Variants in KANK1 observed in about 807,000 individuals in gnomAD.
The protein encoded by KANK1 is KN motif and ankyrin repeat domains 1.
KANK1 carries 109 observed loss-of-function variants against 106.2 expected under a neutral mutation model. The ratio of observed to expected loss-of-function variants is 1.03; its 90% CI spans 0.88 to 1.20. The LOEUF (loss-of-function observed/expected upper bound fraction) is 1.20, where lower values mean the gene tolerates loss of function less well. Ranked by LOEUF, KANK1 falls within the 50% of genes most tolerant of loss-of-function variation. The pLI is 0.00. For synonymous variants in KANK1, 873 were observed against 652.2 expected (o/e 1.34, Z -5.16); for missense variants, 2,399 against 1,710.7 (o/e 1.40, Z -7.10).
chr9:499,019 T>G (rs2058503804), intron 3 of KANK1, among the ~76,000 whole-genome samples: 1 of 150,566 alleles, frequency 6.6e-6, no homozygotes, highest in African/African-American at 2.4e-5. Flanking sequence ...CTACTAAAAA[T>G]AAAAAAAAAT....
intron 1 of KANK1, among the ~76,000 whole-genome samples, chr9:535,806 C>T (rs1382649227): frequency 6.6e-6 from 1 of 152,194 alleles, no homozygotes; most frequent in African/African-American, 2.4e-5. Context: ...TCGTCACAAG[C>T]AGTCTTCTGG....
chr9:595,820 C>T (rs1271265964), intron 1 of KANK1, among the ~76,000 whole-genome samples: 2 of 152,002 alleles, frequency 1.3e-5, no homozygotes, highest in East Asian at 3.9e-4. Context: ...CTGTGCCCAG[C>T]CTCATGAGAA....
intron 1 of KANK1, among the ~76,000 whole-genome samples, chr9:601,312 C>T (rs75653922): frequency 6.6e-6 from 1 of 151,678 alleles, no homozygotes; most frequent in Non-Finnish European, 1.5e-5. Flanking sequence ...GCATTCTATC[C>T]AGTTTTCCGC....
At position 610,210 on chromosome 9, in the gene KANK1, TG is replaced by T. The variant is rs2136118743; in HGVS notation, c.-83-66678del. 2.0e-5 allele frequency among the ~76,000 whole-genome samples: 3 copies of T among 152,156 alleles called. No individual in the cohort carries two copies. The South Asian group carries it at 6.2e-4, about 32-fold the overall frequency. The stretch of plus-strand genomic sequence containing the variant: ...TTAAAGGTATGAATACATTTTAATT[TG>T]GTTGAACACTTACGTTTATCAAAAA... On this transcript the variant is annotated intron_variant, in intron 1 of 11. Coordinates refer to ENST00000382297, the MANE Select transcript of KANK1 (RefSeq NM_015158.5).
intron 8 of KANK1, among the ~76,000 whole-genome samples, chr9:740,097 C>A (rs1835000895): frequency 6.6e-6 from 1 of 152,142 alleles, no homozygotes; most frequent in Non-Finnish European, 1.5e-5. Flanking sequence ...CTAACACTCA[C>A]CATTCCGGTC....
At chr9:497,109 C>G (rs145002508) in intron 3 of KANK1, among the ~76,000 whole-genome samples, 2,105 of 152,192 alleles carry the variant, frequency 0.014, 27 homozygotes, top group South Asian at 0.035. Flanking sequence ...CCAATGTGTC[C>G]TTTCCTTTCC....
At chr9:592,077 G>A (rs10975307) in intron 1 of KANK1, among the ~76,000 whole-genome samples, 31,802 of 151,664 alleles carry the variant, frequency 0.21, 3,749 homozygotes, top group East Asian at 0.33. Context: ...CTTAACATGT[G>A]GTATTTGTAG....
At chr9:652,824 T>G (rs935042219) in intron 1 of KANK1, among the ~76,000 whole-genome samples, 14 of 152,206 alleles carry the variant, frequency 9.2e-5, no homozygotes, top group African/African-American at 3.1e-4. Flanking sequence ...TGCATTTCTT[T>G]ATTGTTGAAT....
chr9:718,793 G>A (rs1226986204), intron 3 of KANK1, among the ~76,000 whole-genome samples: 7 of 152,098 alleles, frequency 4.6e-5, no homozygotes, highest in Admixed American at 2.0e-4. Flanking sequence ...AGAGGAGAGC[G>A]TAGAAACAAC....
intron 1 of KANK1, among the ~76,000 whole-genome samples, chr9:627,057 A>C (rs537857458): frequency 6.6e-6 from 1 of 151,930 alleles, no homozygotes. Context: ...CCAAGGGGGA[A>C]AAAAAGGTGG....
chr9:645,348 G>A (rs1221687634), intron 1 of KANK1, among the ~76,000 whole-genome samples: 1 of 146,560 alleles, frequency 6.8e-6, no homozygotes. Context: ...TCTGAGGCAG[G>A]AGAATTGCTT....
intron 1 of KANK1, among the ~76,000 whole-genome samples, chr9:647,158 T>C (rs1839854702): frequency 6.6e-6 from 1 of 151,042 alleles, no homozygotes; most frequent in South Asian, 2.1e-4. Flanking sequence ...AAGTATAAAT[T>C]TGCCATGGAT....
At chr9:694,855 G>C (rs1389611945) in intron 2 of KANK1, among the ~76,000 whole-genome samples, 4 of 152,112 alleles carry the variant, frequency 2.6e-5, no homozygotes, top group Non-Finnish European at 1.5e-5. Flanking sequence ...CTGCTGAGTG[G>C]GACGTGCAGA....
intron 3 of KANK1, among the ~76,000 whole-genome samples, chr9:719,614 G>A (rs1260893051): frequency 6.6e-6 from 1 of 152,140 alleles, no homozygotes; most frequent in Non-Finnish European, 1.5e-5. Flanking sequence ...TTTTTAAATT[G>A]ATTTTCTAAC....
chr9:500,393 A>T (rs891270716), upstream of KANK1, among the ~76,000 whole-genome samples: 1 of 152,242 alleles, frequency 6.6e-6, no homozygotes, highest in Non-Finnish European at 1.5e-5. Flanking sequence ...TGGTAACTCC[A>T]TAAGGCTCTT....
intron 1 of KANK1, among the ~76,000 whole-genome samples, chr9:633,268 A>G (rs1374561424): frequency 6.6e-6 from 1 of 152,070 alleles, no homozygotes; most frequent in Non-Finnish European, 1.5e-5. Flanking sequence ...CATCCCGGCT[A>G]ACACGGTGAA....
At chr9:636,850 C>A (rs1336518979) in intron 1 of KANK1, among the ~76,000 whole-genome samples, 1 of 152,144 alleles carries the variant, frequency 6.6e-6, no homozygotes. Context: ...GGCGACAGCG[C>A]GAGACTCCGT....
chr9:626,831 T>C (rs1472723237), intron 1 of KANK1, among the ~76,000 whole-genome samples: 1 of 152,224 alleles, frequency 6.6e-6, no homozygotes, highest in Non-Finnish European at 1.5e-5. Flanking sequence ...ACATGATGCT[T>C]TCACAATAGC....
At chr9:514,708 G>C (rs2059204288) in intron 1 of KANK1, among the ~76,000 whole-genome samples, 1 of 151,658 alleles carries the variant, frequency 6.6e-6, no homozygotes, top group Non-Finnish European at 1.5e-5. Context: ...ATGAACGTTA[G>C]GTTTCTAGTT....
Sources: gnomAD v4.1 joint callset for allele counts (sites outside exome capture counted in the v4.1 genomes callset) on GRCh38, gnomAD v4.1.1 for gene constraint, MANE v1.5 for transcripts, NCBI Gene and HGNC (gene_info 2026-07-23, HGNC 2026-07-21) for gene names.